The following PRH1 variants were observed in gnomAD, a reference collection of about 807,000 sequenced individuals.
The protein encoded by PRH1 is proline rich protein HaeIII subfamily 1, also known as salivary acidic proline-rich phosphoprotein 1/2.
A neutral mutation model predicts 7.9 loss-of-function variants in PRH1; 7 were observed. That is an observed-to-expected ratio of 0.89 (90% confidence interval 0.50 to 1.67). The LOEUF (loss-of-function observed/expected upper bound fraction) is 1.67. Among genes scored for constraint, PRH1 ranks in the 40% most tolerant of loss-of-function variants. The probability of loss-of-function intolerance (pLI) is 0.00; values close to 1 mark genes in which losing one functional copy is unlikely to be tolerated. For missense variants in PRH1, 109 were observed against 223.6 expected, an observed-to-expected ratio of 0.49 and a Z score of 3.27; for synonymous variants, 45 against 80.8, an observed-to-expected ratio of 0.56 and a Z score of 2.38.
upstream of PRH1, chr12:11,048,593 TG>T: frequency 1.7e-6 from 1 of 589,764 alleles, no homozygotes; most frequent in Non-Finnish European, 3.1e-6. Flanking sequence ...ATGTGCACCT[TG>T]GTGCTGAGAT....
chr12:11,043,387 C>T (rs1429185598), intron 1 of PRH1, among the ~76,000 whole-genome samples: 2 of 152,006 alleles, frequency 1.3e-5, no homozygotes, highest in Non-Finnish European at 2.9e-5. Flanking sequence ...CTGGAACATG[C>T]CAAAAATGCT....
chr12:10,962,348 A>G (rs1389254763), intron 2 of PRH1, among the ~76,000 whole-genome samples: 1 of 152,246 alleles, frequency 6.6e-6, no homozygotes, highest in East Asian at 1.9e-4. Context: ...ATCATTCACA[A>G]TCGAGAAAAT....
chr12:11,154,520 G>A (rs932555439), intron 1 of PRH1, among the ~76,000 whole-genome samples: 10 of 152,170 alleles, frequency 6.6e-5, no homozygotes, highest in South Asian at 2.1e-4. Context: ...AAGAGCAATG[G>A]CCTAGGACAA....
chr12:10,895,771 C>A (rs1159568530), intron 2 of PRH1: 2 of 152,160 alleles, frequency 1.3e-5, no homozygotes, highest in Admixed American at 6.5e-5. Flanking sequence ...CCTTTCAGTT[C>A]CTGATTCAGT....
chr12:10,895,921 G>A (rs1229865412), intron 2 of PRH1: 1 of 152,178 alleles, frequency 6.6e-6, no homozygotes, highest in African/African-American at 2.4e-5. Flanking sequence ...TACACCATTG[G>A]CTGATTGATC....
intron 1 of PRH1, chr12:10,997,832 A>AC: frequency 6.2e-7 from 1 of 1,611,514 alleles, no homozygotes; most frequent in Non-Finnish European, 8.5e-7. Flanking sequence ...AATAAATGCA[A>AC]CCACTACTAG....
At chr12:11,044,322 C>A (rs1364676972) in intron 1 of PRH1, among the ~76,000 whole-genome samples, 2 of 152,092 alleles carry the variant, frequency 1.3e-5, no homozygotes, top group Non-Finnish European at 2.9e-5. Flanking sequence ...AGACCTCAAA[C>A]CATGAAGCTC....
chr12:11,135,107 A>G lies in PRH1; in HGVS notation n.40-13927T>C, dbSNP rs1946507393. The stretch of plus-strand genomic sequence containing the variant: ...TAGGCCTTTGGTAAAGTTTCTCTCA[A>G]GTCTAATATTTAAATATTTATTATT... On this transcript the variant is annotated intron_variant and non_coding_transcript_variant, in intron 1 of 1. Coordinates refer to the PRH1 transcript ENST00000541175. 2.0e-5 allele frequency among the ~76,000 whole-genome samples: 3 copies of G among 152,052 alleles called. 1 individual carries two copies. The South Asian group carries it at 6.3e-4, about 32-fold the overall frequency.
rs201182127 is a variant in PRH1 at position 10,982,671 on chromosome 12, A to ACCC, written c.-125-8953_-125-8951dup. On this transcript the variant is annotated intron_variant, in intron 1 of 3. Coordinates refer to the PRH1 transcript ENST00000539853. ...TATTAATAATATTACATAAAGTGGT[A>ACCC]CCCATAAGCAGGAAGTGGCAAGTTC... is the stretch of plus-strand genomic sequence containing the variant. Among the ~76,000 whole-genome samples the ACCC allele has an allele frequency of 2.7e-3, 414 of 152,320 alleles. 5 individuals carry two copies. In the East Asian group the frequency reaches 0.034, roughly 13 times the overall value.
chr12:10,995,096 GAA>G (rs1406360009), intron 1 of PRH1, among the ~76,000 whole-genome samples: 4 of 152,088 alleles, frequency 2.6e-5, no homozygotes, highest in Admixed American at 1.3e-4. Context: ...ACTTCAATCT[GAA>G]ACCAGAACAG....
At chr12:11,063,105 T>C (rs1015828095) in intron 1 of PRH1, among the ~76,000 whole-genome samples, 1 of 152,122 alleles carries the variant, frequency 6.6e-6, no homozygotes, top group Non-Finnish European at 1.5e-5. Flanking sequence ...CAAACATATC[T>C]CTAATTCTTA....
chr12:11,044,912 CA>C (rs574219705), intron 1 of PRH1, among the ~76,000 whole-genome samples: 2 of 152,130 alleles, frequency 1.3e-5, no homozygotes, highest in South Asian at 4.1e-4. Flanking sequence ...TCTTAAAAGA[CA>C]AAAATTAGAG....
intron 1 of PRH1, among the ~76,000 whole-genome samples, chr12:11,012,549 C>G (rs889473145): frequency 1.3e-5 from 2 of 152,066 alleles, no homozygotes; most frequent in African/African-American, 4.8e-5. Flanking sequence ...TTAAAAGATA[C>G]CAGTGAAAAC....
At chr12:10,998,832 G>A (rs777336034) in intron 1 of PRH1, among the ~76,000 whole-genome samples, 4 of 152,078 alleles carry the variant, frequency 2.6e-5, no homozygotes, top group African/African-American at 4.8e-5. Flanking sequence ...CTCTGAGTTC[G>A]ATCATGTAAT....
intron 1 of PRH1, among the ~76,000 whole-genome samples, chr12:11,024,010 T>A (rs1941788218): frequency 6.6e-6 from 1 of 152,212 alleles, no homozygotes; most frequent in Non-Finnish European, 1.5e-5. Flanking sequence ...AGTTTTGTCA[T>A]ATGAAGTGGG....
intron 1 of PRH1, among the ~76,000 whole-genome samples, chr12:11,012,822 T>A (rs1006775913): frequency 6.6e-6 from 1 of 152,142 alleles, no homozygotes; most frequent in Non-Finnish European, 1.5e-5. Flanking sequence ...TCTCCCAAAA[T>A]GCTTGGATAC....
At chr12:11,063,153 A>G (rs974413952) in intron 1 of PRH1, among the ~76,000 whole-genome samples, 1 of 152,086 alleles carries the variant, frequency 6.6e-6, no homozygotes, top group African/African-American at 2.4e-5. Flanking sequence ...TAATGTTTAA[A>G]TATTTATTAC....
At chr12:11,033,093 C>A (rs1942296180) in intron 1 of PRH1, among the ~76,000 whole-genome samples, 1 of 152,124 alleles carries the variant, frequency 6.6e-6, no homozygotes, top group African/African-American at 2.4e-5. Context: ...CCACCAAACC[C>A]AGCTTAGAAA....
At chr12:10,900,261 C>G (rs933726247) in intron 2 of PRH1, among the ~76,000 whole-genome samples, 12 of 152,160 alleles carry the variant, frequency 7.9e-5, no homozygotes, top group Admixed American at 7.9e-4. Flanking sequence ...GGAAGAGTAC[C>G]TTGTTTCTCC....
Sources: gnomAD v4.1 joint callset for allele counts (sites outside exome capture counted in the v4.1 genomes callset) on GRCh38, gnomAD v4.1.1 for gene constraint, MANE v1.5 for transcripts, NCBI Gene and HGNC (gene_info 2026-07-23, HGNC 2026-07-21) for gene names.